MAP4K4: variants seen among roughly 807,000 people sequenced by gnomAD.
MAP4K4 encodes mitogen-activated protein kinase kinase kinase kinase 4, also known as HPK/GCK-like kinase HGK.
In MAP4K4, 38 loss-of-function variants were observed where a neutral mutation model predicts 189.6. That is an observed-to-expected ratio of 0.20 (90% CI 0.15 to 0.26). MAP4K4 has a LOEUF of 0.26. Among genes scored for constraint, MAP4K4 ranks in the 10% least tolerant of loss-of-function variants. The pLI is 1.00. For synonymous variants in MAP4K4, 610 were observed against 624.3 expected, an observed-to-expected ratio of 0.98 and a Z score of 0.34; for missense variants, 1,054 against 1,726.9, an observed-to-expected ratio of 0.61 and a Z score of 6.91.
intron 2 of MAP4K4, among the ~76,000 whole-genome samples, chr2:101,732,378 TC>T (rs1367822844): frequency 6.6e-6 from 1 of 152,222 alleles, no homozygotes; most frequent in Non-Finnish European, 1.5e-5. Flanking sequence ...TTTTACCATC[TC>T]GAGGTGAGTA....
exon 33 of MAP4K4, chr2:101,893,167 G>A (rs113529525): frequency 1.2e-3 from 538 of 456,304 alleles, no homozygotes; most frequent in Non-Finnish European, 2.0e-3. Context: ...TTTGAAAAAG[G>A]CCCTCCTTTG....
At chr2:101,875,424 A>G (rs892996818) in intron 26 of MAP4K4, among the ~76,000 whole-genome samples, 1 of 151,836 alleles carries the variant, frequency 6.6e-6, no homozygotes, top group South Asian at 2.1e-4. Flanking sequence ...TTGCTTGGGT[A>G]GATACTGTCC....
chr2:101,772,824 C>T (rs1383302491), intron 2 of MAP4K4, among the ~76,000 whole-genome samples: 1 of 152,194 alleles, frequency 6.6e-6, no homozygotes, highest in Non-Finnish European at 1.5e-5. Context: ...TGTCAGTCTT[C>T]ATCTTCACTC....
At chr2:101,810,081 T>C (rs1016384359) in intron 3 of MAP4K4, among the ~76,000 whole-genome samples, 1 of 152,184 alleles carries the variant, frequency 6.6e-6, no homozygotes. Context: ...TCACATGCCA[T>C]GGATATGCTA....
intron 3 of MAP4K4, among the ~76,000 whole-genome samples, chr2:101,792,635 T>TCCTCCTTC (rs2093119891): frequency 6.7e-6 from 1 of 148,994 alleles, no homozygotes; most frequent in African/African-American, 2.5e-5. Context: ...CTCCTTCTTC[T>TCCTCCTTC]TTCTTCTTCT....
chr2:101,783,966 T>G (rs1241847842), intron 2 of MAP4K4, among the ~76,000 whole-genome samples: 1 of 152,218 alleles, frequency 6.6e-6, no homozygotes, highest in Admixed American at 6.5e-5. Context: ...CACCCTTTTT[T>G]TCCTGGCCAG....
intron 3 of MAP4K4, among the ~76,000 whole-genome samples, chr2:101,811,028 C>A (rs2095387927): frequency 6.6e-6 from 1 of 152,166 alleles, no homozygotes; most frequent in Admixed American, 6.5e-5. Context: ...TTCTTGATTT[C>A]TTTTAACAGA....
intron 2 of MAP4K4, among the ~76,000 whole-genome samples, chr2:101,758,989 C>T (rs547367841): frequency 2.6e-5 from 4 of 151,830 alleles, no homozygotes; most frequent in East Asian, 3.9e-4. Flanking sequence ...AAAAATTAGC[C>T]GGGCGTGGTG....
chr2:101,817,202 C>G (rs549549782), intron 3 of MAP4K4, among the ~76,000 whole-genome samples: 2 of 152,008 alleles, frequency 1.3e-5, no homozygotes, highest in Non-Finnish European at 2.9e-5. Flanking sequence ...TGGGGCTCGA[C>G]GAGGTCAACT....
At chr2:101,735,562 GTCATT>G in intron 2 of MAP4K4, among the ~76,000 whole-genome samples, 2 of 152,264 alleles carry the variant, frequency 1.3e-5, no homozygotes, top group East Asian at 3.9e-4. Context: ...ACTCTTCTTA[GTCATT>G]TGTTGGGTGG....
intron 31 of MAP4K4, among the ~76,000 whole-genome samples, chr2:101,888,170 T>A (rs2098514574): frequency 6.6e-6 from 1 of 152,194 alleles, no homozygotes; most frequent in Non-Finnish European, 1.5e-5. Flanking sequence ...ATTATCATAA[T>A]CTCTCATTTA....
At chr2:101,775,982 G>A (rs2150434019) in intron 2 of MAP4K4, among the ~76,000 whole-genome samples, 1 of 152,354 alleles carries the variant, frequency 6.6e-6, no homozygotes, top group Non-Finnish European at 1.5e-5. Context: ...AGATAGACAT[G>A]CAATTAATGA....
At position 101,885,279 on chromosome 2, in the gene MAP4K4, G is replaced by T. The variant is rs775466179; in HGVS notation, c.3613G>T (p.Ala1205Ser). The T allele has an allele frequency of 1.3e-6, 2 of 1,589,028 alleles. No individual in the cohort carries two copies. The highest frequency in any genetic ancestry group is 1.7e-6 in the Non-Finnish European group (2 of 1,161,884). The change falls in exon 29 of 33, where the codon GCC (alanine) becomes TCC (serine). Residue 1205 changes from alanine to serine, a missense_variant. By Grantham distance (99) the Ala-to-Ser change is moderately conservative (BLOSUM62 1). Coordinates refer to ENST00000324219, the Ensembl canonical transcript of MAP4K4. ...ACCAAAGCCATATCACAAATTTATG[G>T]CCTTTAAGGTAACAACATCAAGTGA...
chr2:101,829,632 C>G, intron 6 of MAP4K4, 38 bp downstream of exon 6: 1 of 1,438,178 alleles, frequency 7.0e-7, no homozygotes, highest in Non-Finnish European at 9.7e-7. Context: ...CATAATTGCA[C>G]CTGGCACAAG....
Position 101,868,591 on chromosome 2 carries a change from C to T in MAP4K4, c.2463+554C>T, listed in dbSNP as rs117032949. On this transcript the variant is annotated intron_variant, in intron 21 of 32. Transcript: ENST00000324219. Reference sequence around the variant, plus strand: ...GTAAAGGGAAACTAAGCCTTTTGAACAAATTCCACTATTGATTTCTTTCTG... The same window carrying T: ...GTAAAGGGAAACTAAGCCTTTTGAATAAATTCCACTATTGATTTCTTTCTG... 1.5e-3 allele frequency among the ~76,000 whole-genome samples: 224 copies of T among 152,304 alleles called. 2 individuals carry two copies. The East Asian group carries it at 0.029, about 19-fold the overall frequency.
chr2:101,778,158 C>A (rs2085286700), intron 2 of MAP4K4, among the ~76,000 whole-genome samples: 1 of 152,106 alleles, frequency 6.6e-6, no homozygotes, highest in African/African-American at 2.4e-5. Flanking sequence ...ACCTGTGGGT[C>A]TGGGGGGACC....
chr2:101,891,095 G>A (rs1318395863), intron 32 of MAP4K4, 71 bp from the exon 33 acceptor site: 21 of 1,185,992 alleles, frequency 1.8e-5, no homozygotes, highest in East Asian at 2.3e-5. Flanking sequence ...GGATGATGGT[G>A]GCTTAGATTC....
chr2:101,807,117 A>AT (rs2095026846), intron 3 of MAP4K4, among the ~76,000 whole-genome samples: 1 of 150,244 alleles, frequency 6.7e-6, no homozygotes, highest in Non-Finnish European at 1.5e-5. Flanking sequence ...CAGTGGTTTG[A>AT]TAACAGCTCA....
chr2:101,873,172 T>C (rs988272168), intron 24 of MAP4K4, among the ~76,000 whole-genome samples: 1 of 152,230 alleles, frequency 6.6e-6, no homozygotes, highest in African/African-American at 2.4e-5. Flanking sequence ...CCAAAGCTTC[T>C]GTAGCTTTCT....
Sources: gnomAD v4.1 joint callset for allele counts (sites outside exome capture counted in the v4.1 genomes callset) on GRCh38, gnomAD v4.1.1 for gene constraint, MANE v1.5 for transcripts, NCBI Gene and HGNC (gene_info 2026-07-23, HGNC 2026-07-21) for gene names.